Variants in WDR27 observed in about 807,000 individuals in gnomAD.
The protein encoded by WDR27 is WD repeat domain 27.
A neutral mutation model predicts 114.4 loss-of-function variants in WDR27; 100 were observed. That is an observed-to-expected ratio of 0.87 (90% CI 0.74 to 1.03). The LOEUF is 1.03. WDR27 is among the 50% of genes least tolerant of loss of function. The pLI, the probability that WDR27 is intolerant of heterozygous loss-of-function variation, is 0.00. For missense variants in WDR27, 1,129 were observed against 1,092.9 expected (o/e 1.03, Z -0.47); for synonymous variants, 449 against 423.1 (o/e 1.06, Z -0.75).
At chr6:169,636,076 G>A (rs919647032) in intron 19 of WDR27, among the ~76,000 whole-genome samples, 79 of 152,222 alleles carry the variant, frequency 5.2e-4, no homozygotes, top group African/African-American at 1.9e-3. Flanking sequence ...GTTATCAATA[G>A]TATTTGTCCC....
intron 17 of WDR27, among the ~76,000 whole-genome samples, chr6:169,643,163 C>T (rs1035238216): frequency 6.6e-6 from 1 of 152,258 alleles, no homozygotes; most frequent in East Asian, 1.9e-4. Context: ...AGTTCTAAAG[C>T]AAGCCATATC....
intron 25 of WDR27, among the ~76,000 whole-genome samples, chr6:169,549,966 T>C (rs1797890520): frequency 6.6e-6 from 1 of 152,212 alleles, no homozygotes; most frequent in Non-Finnish European, 1.5e-5. Context: ...GATGCCATTA[T>C]AGGCCTGTCA....
chr6:169,480,415 T>A (rs959692159), intron 25 of WDR27, among the ~76,000 whole-genome samples: 2 of 151,964 alleles, frequency 1.3e-5, no homozygotes, highest in Admixed American at 6.5e-5. Flanking sequence ...GCCCAAGGGG[T>A]TAGGTATGCA....
At chr6:169,531,174 T>C (rs1795546805) in intron 25 of WDR27, among the ~76,000 whole-genome samples, 1 of 152,260 alleles carries the variant, frequency 6.6e-6, no homozygotes, top group East Asian at 1.9e-4. Flanking sequence ...ATGTACCTTC[T>C]TGACATTAGC....
intron 25 of WDR27, among the ~76,000 whole-genome samples, chr6:169,548,367 AAAC>A (rs796834959): frequency 1.8e-4 from 27 of 152,334 alleles, no homozygotes; most frequent in African/African-American, 6.5e-4. Context: ...AAACTATAAT[AAAC>A]AATAATTTAT....
intron 21 of WDR27, among the ~76,000 whole-genome samples, chr6:169,618,226 A>G (rs1034410985): frequency 6.6e-6 from 1 of 152,228 alleles, no homozygotes; most frequent in East Asian, 1.9e-4. Context: ...AAATTATTTC[A>G]TTAAAAAAGC....
chr6:169,514,344 C>T (rs1337418063), intron 25 of WDR27, among the ~76,000 whole-genome samples: 1 of 150,372 alleles, frequency 6.7e-6, no homozygotes, highest in Non-Finnish European at 1.5e-5. Context: ...TTAGATTGCC[C>T]TTCAAATTAT....
rs577193894 is a variant in WDR27 at position 169,656,185 on chromosome 6, A to G, written c.1402+2091T>C. On this transcript the variant is annotated intron_variant, in intron 13 of 25. Coordinates refer to ENST00000448612, the MANE Select transcript of WDR27 (RefSeq NM_182552.5). ...GGTTTGTGACTATGCAAAAAAGGTT[A>G]AAAAAAAAAGGTACAACTCAAAGAT... Among the ~76,000 whole-genome samples the G allele has an allele frequency of 1.4e-3, 204 of 142,430 alleles. 2 individuals are homozygous for G. The highest frequency in any genetic ancestry group is 5.6e-3 in the African/African-American group (196 of 35,274). 93.4% of individuals were successfully genotyped at this position (142,430 alleles called of 152,430 possible). A position where few individuals can be genotyped will look rare whatever the true frequency, so the allele number is the denominator to read the frequency against.
intron 25 of WDR27, among the ~76,000 whole-genome samples, chr6:169,478,823 C>T (rs1787555050): frequency 6.6e-6 from 1 of 152,190 alleles, no homozygotes; most frequent in Non-Finnish European, 1.5e-5. Context: ...AAAGGACTCC[C>T]TATTCAATAA....
At chr6:169,444,860 G>A in the WDR27 span, among the ~76,000 whole-genome samples, 2 of 152,142 alleles carry the variant, frequency 1.3e-5, no homozygotes, top group Admixed American at 1.3e-4. Flanking sequence ...CCAATCCTGG[G>A]CTGCCCTTTT....
intron 1 of WDR27, 41 bp downstream of exon 1, chr6:169,701,510 G>A (rs1788048946): frequency 6.5e-6 from 1 of 153,176 alleles, no homozygotes; most frequent in Non-Finnish European, 1.5e-5. Context: ...AAAGAGATCT[G>A]AGTGCTCCTT....
At chr6:169,566,033 T>C (rs1800410666) in intron 25 of WDR27, among the ~76,000 whole-genome samples, 1 of 152,240 alleles carries the variant, frequency 6.6e-6, no homozygotes, top group Non-Finnish European at 1.5e-5. Flanking sequence ...TCTGTTGTTA[T>C]TCATTAGAAG....
chr6:169,634,365 G>T, intron 20 of WDR27, 63 bp downstream of exon 20: 1 of 1,226,000 alleles, frequency 8.2e-7, no homozygotes, highest in Non-Finnish European at 1.2e-6. Context: ...CTCAGCACAT[G>T]CCTCTGCCAG....
intron 21 of WDR27, among the ~76,000 whole-genome samples, chr6:169,614,122 C>CCGGCCCTGACTCT (rs1811266697): frequency 6.6e-6 from 1 of 152,092 alleles, no homozygotes; most frequent in African/African-American, 2.4e-5. Flanking sequence ...GCCTCGAGTC[C>CCGGCCCTGACTCT]CGGCCCTGAC....
At chr6:169,463,401 T>C (rs560287023) in intron 25 of WDR27, among the ~76,000 whole-genome samples, 1 of 152,222 alleles carries the variant, frequency 6.6e-6, no homozygotes, top group East Asian at 1.9e-4. Context: ...ATTCAAACCA[T>C]AGCATCACAT....
chr6:169,594,867 TTC>T (rs1340706184), intron 23 of WDR27, among the ~76,000 whole-genome samples: 5 of 152,356 alleles, frequency 3.3e-5, no homozygotes, highest in African/African-American at 1.2e-4. Flanking sequence ...GAAAGTTTTT[TTC>T]TTTTTTTCCT....
intron 24 of WDR27, among the ~76,000 whole-genome samples, chr6:169,573,359 A>G (rs1224518206): frequency 1.3e-5 from 2 of 152,226 alleles, no homozygotes; most frequent in African/African-American, 4.8e-5. Flanking sequence ...ATCATCTTAC[A>G]TTAATCCTCT....
intron 22 of WDR27, among the ~76,000 whole-genome samples, chr6:169,612,614 C>T (rs867576437): frequency 5.3e-5 from 6 of 112,294 alleles, no homozygotes; most frequent in South Asian, 3.0e-4. Context: ...GGTGACAGAG[C>T]GAGACTCTGT....
At position 169,688,837 on chromosome 6, in the gene WDR27, T is replaced by A. The variant is rs768274236; in HGVS notation, c.169A>T (p.Thr57Ser). Residue 57 changes from threonine to serine, a missense_variant, in exon 2 of 26, where the codon ACT (threonine) becomes TCT (serine). Physicochemically the swap from Thr to Ser is moderately conservative, Grantham distance 58. Transcript: ENST00000448612. ...LDGTELCIWN[T>S]KDPSHQLLIL... ...AATACCTGATGAGAAGGATCCTTAGTGTTCCATATACAAAGTTCAGTTCCA... is the reference window on the plus strand; with the variant it reads ...AATACCTGATGAGAAGGATCCTTAGAGTTCCATATACAAAGTTCAGTTCCA... 6.2e-7 allele frequency: 1 copy of A among 1,609,360 alleles called. No homozygotes were observed. Among genetic ancestry groups the A allele is most frequent in the Non-Finnish European group, 8.5e-7 (1 of 1,178,188 alleles).
Sources: allele counts gnomAD v4.1 joint callset (sites outside exome capture counted in the v4.1 genomes callset), GRCh38; gene constraint gnomAD v4.1.1; transcripts MANE v1.5; gene names NCBI Gene and HGNC (gene_info 2026-07-23, HGNC 2026-07-21).